The following NAA16 variants were observed in gnomAD, a reference collection of about 807,000 sequenced individuals.
NAA16 encodes NARG1-like protein.
NAA16 carries 97 observed loss-of-function variants against 110.3 expected under a neutral mutation model. That is an observed-to-expected ratio of 0.88 (90% CI 0.75 to 1.04). The LOEUF (loss-of-function observed/expected upper bound fraction) is 1.04, where lower values mean the gene tolerates loss of function less well. Ranked by LOEUF, NAA16 falls within the 50% of genes least tolerant of loss-of-function variation. The pLI is 0.00. For missense variants in NAA16, 1,017 were observed against 1,005.1 expected (o/e 1.01, Z -0.16); for synonymous variants, 372 against 330.6 (o/e 1.13, Z -1.36).
chr13:41,311,737 C>T (rs1486123298), intron 1 of NAA16, among the ~76,000 whole-genome samples, 155 bp downstream of exon 1: 1 of 152,240 alleles, frequency 6.6e-6, no homozygotes, highest in Non-Finnish European at 1.5e-5. Context: ...CACTTTCCCG[C>T]TCCGGCCGGC....
intron 9 of NAA16, among the ~76,000 whole-genome samples, chr13:41,349,486 C>CT (rs11403159): frequency 0.95 from 142,576 of 150,692 alleles, 67,511 homozygotes; most frequent in South Asian, 0.99. Context: ...CTGGTCCTTT[C>CT]TTTTTTTTTC....
chr13:41,336,734 C>G lies in NAA16; in HGVS notation c.992C>G (p.Ser331Cys), dbSNP rs193222711. 9.4e-6 allele frequency: 15 copies of G among 1,600,850 alleles called. No individual in the cohort carries two copies. In the African/African-American group the frequency reaches 1.2e-4, roughly 13 times the overall value. ...CCACCCTTGTTTACTACTTTGAAAT[C>G]TTTATATTACAATACAGAAAAGGTA... ...GCPPLFTTLK[S>C]LYYNTEKVSI... The change falls in exon 9 of 20, where the codon TCT becomes TGT. Residue 331 changes from serine to cysteine, a missense_variant. Ser to Cys is a moderately radical substitution (Grantham distance 112). Transcript: ENST00000379406.
chr13:41,320,840 T>C lies in NAA16; in HGVS notation c.402+16T>C. On this transcript the variant is annotated intron_variant, in intron 4 of 19. Coordinates refer to ENST00000379406, the MANE Select transcript of NAA16 (RefSeq NM_024561.5). Reference sequence around the variant, plus strand: ...AGGTTACCGAGTAAGTACTTCATTCTTAAATGTACATGATTTTACAGTAGA... The same window carrying C: ...AGGTTACCGAGTAAGTACTTCATTCCTAAATGTACATGATTTTACAGTAGA... 6.3e-7 allele frequency: 1 copy of C among 1,577,654 alleles called. No individual in the cohort carries two copies. Among genetic ancestry groups the C allele is most frequent in the Non-Finnish European group, 8.6e-7 (1 of 1,166,254 alleles).
At chr13:41,367,887 A>T (rs921650761) in intron 14 of NAA16, among the ~76,000 whole-genome samples, 1 of 151,942 alleles carries the variant, frequency 6.6e-6, no homozygotes, top group Non-Finnish European at 1.5e-5. Context: ...AATTTTTTTT[A>T]TTTTTGTCTT....
At chr13:41,340,695 A>G (rs2042517610) in intron 9 of NAA16, among the ~76,000 whole-genome samples, 2 of 102,028 alleles carry the variant, frequency 2.0e-5, no homozygotes. Context: ...TTTTTTTCCG[A>G]GACGGAGTCT....
At chr13:41,340,778 G>T (rs4562947) in intron 9 of NAA16, among the ~76,000 whole-genome samples, 143,134 of 151,058 alleles carry the variant, frequency 0.95, 67,870 homozygotes, top group South Asian at 0.99. Context: ...CCGGGTTCAC[G>T]CCATTCTCCT....
intron 9 of NAA16, among the ~76,000 whole-genome samples, chr13:41,342,122 G>A (rs1353378818): frequency 2.7e-5 from 4 of 146,546 alleles, no homozygotes; most frequent in Admixed American, 6.9e-5. Context: ...GTGAGCCACC[G>A]CACCGGGCCT....
chr13:41,364,781 C>T (rs1179969274), intron 13 of NAA16, among the ~76,000 whole-genome samples: 5 of 152,240 alleles, frequency 3.3e-5, no homozygotes, highest in African/African-American at 1.2e-4. Flanking sequence ...TGATAACATG[C>T]TTTATAACAA....
At chr13:41,371,463 C>T (rs2043315403) in intron 15 of NAA16, among the ~76,000 whole-genome samples, 1 of 152,126 alleles carries the variant, frequency 6.6e-6, no homozygotes, top group Non-Finnish European at 1.5e-5. Flanking sequence ...CCTCCTTCAC[C>T]CCTGCCATCC....
At chr13:41,336,539 A>C in intron 8 of NAA16, 111 bp from the exon 9 acceptor site, 2 of 610,972 alleles carry the variant, frequency 3.3e-6, no homozygotes, top group Non-Finnish European at 5.6e-6. Flanking sequence ...TGGGTTTATA[A>C]ATTGGATAGG....
intron 10 of NAA16, among the ~76,000 whole-genome samples, chr13:41,356,726 C>T (rs1593506029): frequency 6.6e-6 from 1 of 152,146 alleles, no homozygotes; most frequent in African/African-American, 2.4e-5. Flanking sequence ...TCTCCCCTCC[C>T]TTTCAAAAAA....
intron 2 of NAA16, 59 bp downstream of exon 2, chr13:41,316,989 C>A: frequency 8.5e-7 from 1 of 1,170,454 alleles, no homozygotes; most frequent in Non-Finnish European, 1.3e-6. Context: ...CAGGCATTAA[C>A]AGTGAAAGAA....
intron 9 of NAA16, among the ~76,000 whole-genome samples, chr13:41,338,943 G>A (rs542189262): frequency 6.6e-6 from 1 of 152,280 alleles, no homozygotes; most frequent in African/African-American, 2.4e-5. Context: ...GTTTTTAGTA[G>A]TTAGCTGGAT....
At chr13:41,339,296 C>T (rs764480528) in intron 9 of NAA16, among the ~76,000 whole-genome samples, 20 of 151,926 alleles carry the variant, frequency 1.3e-4, no homozygotes, top group Admixed American at 2.6e-4. Context: ...TGTGCCACCA[C>T]GCCCGGCTAA....
chr13:41,344,590 A>G (rs2042634174), intron 9 of NAA16, among the ~76,000 whole-genome samples: 1 of 152,208 alleles, frequency 6.6e-6, no homozygotes, highest in African/African-American at 2.4e-5. Flanking sequence ...CCTTCCTAAC[A>G]AAGGATTCTA....
Position 41,358,464 on chromosome 13 carries a change from A to G in NAA16, c.1248A>G (p.Lys416=). 1 of 1,613,284 alleles carries G rather than the reference A, an allele frequency of 6.2e-7. No homozygotes were observed. The highest frequency in any genetic ancestry group is 8.5e-7 in the Non-Finnish European group (1 of 1,179,348). Residue 416 remains lysine (K), a synonymous_variant, in exon 11 of 20, where the codon AAA becomes AAG. Transcript: ENST00000379406. ...TLIELFYMKA[K]IYKHIGNLKE... is the part of the protein sequence containing the mutation. Reference sequence around the variant, plus strand: ...TAGAATTATTCTATATGAAAGCAAAAATTTACAAGGTAAAATCTGAATCCT... The same window carrying G: ...TAGAATTATTCTATATGAAAGCAAAGATTTACAAGGTAAAATCTGAATCCT...
intron 7 of NAA16, 35 bp from the exon 8 acceptor site, chr13:41,331,239 A>G (rs994305632): frequency 7.8e-7 from 1 of 1,286,992 alleles, no homozygotes; most frequent in Non-Finnish European, 1.1e-6. Flanking sequence ...AAAAGTTTTG[A>G]TGCTATGAAT....
In NAA16 at chr13:41,323,102, C is replaced by T. The variant is rs2041988511; in HGVS notation, c.449C>T (p.Ser150Phe). 6.2e-7 allele frequency: 1 copy of T among 1,613,994 alleles called. No individual in the cohort carries two copies. Among genetic ancestry groups the T allele is most frequent in the East Asian group, 2.2e-5 (1 of 44,890 alleles). The change falls in exon 5 of 20, where the codon TCC becomes TTC. Residue 150 changes from serine (S) to phenylalanine (F), a missense_variant. Transcript: ENST00000379406. The stretch of plus-strand genomic sequence containing the variant: ...CAGTTGCGCCCCACACAGCGTGCCT[C>T]CTGGATTGGATATGCTATTGCATAC... ...LLQLRPTQRA[S>F]WIGYAIAYHL...
chr13:41,324,202 G>A (rs1006279025), intron 5 of NAA16, among the ~76,000 whole-genome samples: 2 of 152,056 alleles, frequency 1.3e-5, no homozygotes, highest in African/African-American at 2.4e-5. Flanking sequence ...CGTCACACCA[G>A]AGAATTGATT....
Sources: allele counts gnomAD v4.1 joint callset (sites outside exome capture counted in the v4.1 genomes callset), GRCh38; gene constraint gnomAD v4.1.1; transcripts MANE v1.5; gene names NCBI Gene and HGNC (gene_info 2026-07-23, HGNC 2026-07-21).